The following RAI1 variants were observed in gnomAD, a reference collection of about 807,000 sequenced individuals.
RAI1 encodes the protein retinoic acid induced 1, also known as retinoic acid-induced protein 1.
In RAI1, 9 loss-of-function variants were observed where a neutral mutation model predicts 123.8. The observed-to-expected ratio is 0.07, with a 90% CI of 0.04 to 0.13. The LOEUF (loss-of-function observed/expected upper bound fraction) is 0.13. RAI1 is among the 10% of genes least tolerant of loss of function. RAI1 has a pLI of 1.00. For missense variants in RAI1, 2,256 were observed against 2,545.8 expected (o/e 0.89, Z 2.45); for synonymous variants, 1,231 against 1,127.3 (o/e 1.09, Z -1.84).
chr17:17,756,746 G>A (rs935394007), intron 2 of RAI1, among the ~76,000 whole-genome samples: 1 of 152,216 alleles, frequency 6.6e-6, no homozygotes, highest in African/African-American at 2.4e-5. Flanking sequence ...TGAAGCAGAC[G>A]CTTGAGTCGG....
chr17:17,699,974 T>C (rs1401596980), intron 1 of RAI1, among the ~76,000 whole-genome samples: 1 of 152,176 alleles, frequency 6.6e-6, no homozygotes, highest in African/African-American at 2.4e-5. Context: ...AGATTCCTCT[T>C]GTGTAAAATG....
intron 3 of RAI1, 144 bp from the exon 4 acceptor site, chr17:17,803,612 C>T (rs1050678441): frequency 4.1e-5 from 31 of 760,642 alleles, no homozygotes; most frequent in African/African-American, 3.9e-4. Context: ...TATCAAACTC[C>T]TGGACTCAGG....
intron 1 of RAI1, among the ~76,000 whole-genome samples, chr17:17,683,219 C>CT (rs1914505340): frequency 6.6e-6 from 1 of 152,134 alleles, no homozygotes; most frequent in Admixed American, 6.5e-5. Context: ...TTTATTTTAT[C>CT]TTTTTTTAGT....
intron 2 of RAI1, among the ~76,000 whole-genome samples, chr17:17,783,411 C>CG (rs1326356935): frequency 6.6e-6 from 1 of 151,706 alleles, no homozygotes; most frequent in Non-Finnish European, 1.5e-5. Flanking sequence ...GGAAACAAGG[C>CG]GGGGGCGGGC....
At chr17:17,802,098 C>T (rs572221501) in intron 3 of RAI1, 309 of 471,044 alleles carry the variant, frequency 6.6e-4, no homozygotes, top group Middle Eastern at 2.0e-3. Context: ...CTCAGGTTTG[C>T]TTCACTCTTC....
intron 2 of RAI1, among the ~76,000 whole-genome samples, chr17:17,785,217 CTT>C (rs1367668275): frequency 3.9e-5 from 6 of 152,220 alleles, no homozygotes; most frequent in Admixed American, 3.9e-4. Flanking sequence ...ACAGCACACA[CTT>C]TGTCTCTCCT....
chr17:17,804,496 C>T (rs988921099), intron 4 of RAI1, among the ~76,000 whole-genome samples: 1 of 152,202 alleles, frequency 6.6e-6, no homozygotes, highest in Non-Finnish European at 1.5e-5. Context: ...AGAGCCCTTA[C>T]CTTTATCGAC....
intron 1 of RAI1, among the ~76,000 whole-genome samples, chr17:17,698,383 C>T (rs1027866801): frequency 6.6e-6 from 1 of 152,220 alleles, no homozygotes; most frequent in Non-Finnish European, 1.5e-5. Flanking sequence ...GGGCCCAACT[C>T]TGGATTCTGG....
At chr17:17,804,125 G>A (rs1301485864) in intron 4 of RAI1, 1 of 505,334 alleles carries the variant, frequency 2.0e-6, no homozygotes, top group East Asian at 3.7e-5. Context: ...AATGCTGTCT[G>A]CGGAGCCATC....
At position 17,793,744 on chromosome 17, in the gene RAI1, C is replaced by T. The variant is rs762778698; in HGVS notation, c.796C>T (p.Leu266Phe). The T allele has an allele frequency of 2.3e-5, 37 of 1,612,702 alleles. No homozygotes were observed. Among genetic ancestry groups the T allele is most frequent in the Non-Finnish European group, 3.1e-5 (37 of 1,180,020 alleles). Residue 266 changes from leucine to phenylalanine, a missense_variant, in exon 3 of 6, where the codon CTT becomes TTT. This residue lies in a region of RAI1 where 336 missense variants were observed against 349.8 expected (regional missense o/e 0.96). Transcript: ENST00000353383. The part of the protein sequence containing the change: ...SLAPGQRVQN[L>F]HAYQSGRLSY... Reference sequence around the variant, plus strand: ...GGCCCCGGGGCAGCGGGTCCAGAATCTTCATGCCTACCAGTCGGGCCGCCT... The same window carrying T: ...GGCCCCGGGGCAGCGGGTCCAGAATTTTCATGCCTACCAGTCGGGCCGCCT...
At chr17:17,778,746 C>T in intron 2 of RAI1, 1 of 456,716 alleles carries the variant, frequency 2.2e-6, no homozygotes, top group Non-Finnish European at 4.4e-6. Flanking sequence ...GCTGGAGAGC[C>T]CGCCAAGAGG....
At chr17:17,700,956 G>A (rs886554164) in intron 1 of RAI1, among the ~76,000 whole-genome samples, 2 of 152,214 alleles carry the variant, frequency 1.3e-5, no homozygotes, top group East Asian at 1.9e-4. Flanking sequence ...GCTCTTGAGG[G>A]TTGAATGTGA....
intron 1 of RAI1, among the ~76,000 whole-genome samples, chr17:17,703,499 G>A (rs1915297395): frequency 6.6e-6 from 1 of 152,158 alleles, no homozygotes. Flanking sequence ...TTGGGGTGGG[G>A]ACCCACCTGT....
intron 2 of RAI1, among the ~76,000 whole-genome samples, chr17:17,772,760 A>T (rs1567891158): frequency 1.3e-5 from 2 of 152,098 alleles, no homozygotes; most frequent in Admixed American, 1.3e-4. Context: ...GCCCTTTCCC[A>T]TGCGCTGGCA....
intron 2 of RAI1, among the ~76,000 whole-genome samples, chr17:17,749,598 C>G (rs530328848): frequency 8.5e-5 from 13 of 152,320 alleles, no homozygotes; most frequent in Admixed American, 1.3e-4. Flanking sequence ...CATCTTCCCC[C>G]CCTCTTGGTA....
intron 1 of RAI1, among the ~76,000 whole-genome samples, chr17:17,697,488 A>G (rs1235218089): frequency 3.3e-5 from 5 of 152,260 alleles, no homozygotes; most frequent in African/African-American, 1.2e-4. Flanking sequence ...ATTCAGTTGT[A>G]AAATATTTAA....
intron 1 of RAI1, among the ~76,000 whole-genome samples, chr17:17,686,606 T>TGCGCGCGC (rs1433996407): frequency 1.6e-3 from 218 of 137,356 alleles, no homozygotes; most frequent in African/African-American, 5.8e-3. Context: ...TGTGTGTGTG[T>TGCGCGCGC]GTGCACGCGC....
In RAI1 at chr17:17,784,993, C is replaced by T. The variant is rs138946613; in HGVS notation, c.-16-7940C>T. ...CCCTTCTTCCAGCCTTCCCTGATCA[C>T]CTCCTCTCCCCACCCCCATGGGCCC... is the stretch of plus-strand genomic sequence containing the variant. On this transcript the variant is annotated intron_variant, in intron 2 of 5. Coordinates refer to ENST00000353383, the MANE Select transcript of RAI1 (RefSeq NM_030665.4). 4.0e-3 allele frequency among the ~76,000 whole-genome samples: 600 copies of T among 149,858 alleles called. 5 individuals are homozygous for T. Among genetic ancestry groups the T allele is most frequent in the African/African-American group, 0.014 (566 of 39,180 alleles).
In RAI1 at chr17:17,793,526, T is replaced by C. The variant is rs746116582; in HGVS notation, c.578T>C (p.Leu193Pro). Reference protein sequence around the residue: ...LAYPKLQRQKLQNDIASPLPF... With the variant: ...LAYPKLQRQKPQNDIASPLPF... ...TACCCCAAGCTCCAAAGGCAGAAGCTGCAGAACGACATTGCCTCCCCTCTG... is the reference window on the plus strand; with the variant it reads ...TACCCCAAGCTCCAAAGGCAGAAGCCGCAGAACGACATTGCCTCCCCTCTG... The change falls in exon 3 of 6, where the codon CTG becomes CCG. Residue 193 changes from leucine (L) to proline (P), a missense_variant. Physicochemically the swap from Leu to Pro is moderately conservative, Grantham distance 98. This residue lies in a region of RAI1 where 336 missense variants were observed against 349.8 expected (regional missense o/e 0.96). Transcript: ENST00000353383. 4.3e-6 allele frequency: 7 copies of C among 1,613,908 alleles called. No individual in the cohort carries two copies. In the East Asian group the frequency reaches 8.9e-5, roughly 21 times the overall value.
Sources: allele counts gnomAD v4.1 joint callset (sites outside exome capture counted in the v4.1 genomes callset), GRCh38; gene constraint gnomAD v4.1.1; regional missense constraint gnomAD v4.1.1; transcripts MANE v1.5; gene names NCBI Gene and HGNC (gene_info 2026-07-23, HGNC 2026-07-21).